The following EVC variants were observed in gnomAD, a reference collection of about 807,000 sequenced individuals.
EVC encodes evC complex member EVC.
A neutral mutation model predicts 118.9 loss-of-function variants in EVC; 116 were observed. The observed-to-expected ratio is 0.98, with a 90% confidence interval of 0.84 to 1.14. EVC has a LOEUF of 1.14. Among genes scored for constraint, EVC ranks in the 50% most tolerant of loss-of-function variants. The pLI, the probability that EVC is intolerant of heterozygous loss-of-function variation, is 0.00. For missense variants in EVC, 1,401 were observed against 1,246.4 expected (o/e 1.12, Z -1.87); for synonymous variants, 619 against 534.7 (o/e 1.16, Z -2.18).
rs767186464 is a variant in EVC at position 5,719,246 on chromosome 4, A to G, written c.175-2A>G. 2.0e-5 allele frequency: 33 copies of G among 1,614,046 alleles called. No individual in the cohort carries two copies. The highest frequency in any genetic ancestry group is 2.8e-5 in the Non-Finnish European group (33 of 1,180,030). On this transcript the variant is annotated splice_acceptor_variant, in intron 1 of 20. Coordinates refer to ENST00000264956, the MANE Select transcript of EVC (RefSeq NM_153717.3). LOFTEE classifies it high-confidence loss of function. The surrounding 1 kb of genome is among the most constrained non-coding windows in gnomAD (Gnocchi z 4.7). ...CCCCAACTCCTGACCTTCGGGTTTTAGAAAGACGACACTCAAAATCTGCTC... is the reference window on the plus strand; with the variant it reads ...CCCCAACTCCTGACCTTCGGGTTTTGGAAAGACGACACTCAAAATCTGCTC...
At chr4:5,771,701 C>T (rs1577515904) in intron 11 of EVC, among the ~76,000 whole-genome samples, 1 of 152,208 alleles carries the variant, frequency 6.6e-6, no homozygotes, top group African/African-American at 2.4e-5. Context: ...CTGGGCACCA[C>T]AGACCTCCCC....
chr4:5,719,257 A>G lies in EVC; in HGVS notation c.184A>G (p.Thr62Ala), dbSNP rs143898721. The change falls in exon 2 of 21, where the codon ACT becomes GCT. Residue 62 changes from threonine (T) to alanine (A), a missense_variant. Physicochemically the swap from Thr to Ala is moderately conservative, Grantham distance 58. Transcript: ENST00000264956. This position sits in a 1 kb window ranked among gnomAD's most constrained non-coding sequence, Gnocchi z 4.7. ...GACCTTCGGGTTTTAGAAAGACGACACTCAAAATCTGCTCAAGAATTTGGA... is the reference window on the plus strand; with the variant it reads ...GACCTTCGGGTTTTAGAAAGACGACGCTCAAAATCTGCTCAAGAATTTGGA... ...RQRTRHQKDD[T>A]QNLLKNLESN... 11 of 1,614,164 alleles carry G rather than the reference A, an allele frequency of 6.8e-6. No homozygotes were observed. The African/African-American group carries it at 1.1e-4, about 16-fold the overall frequency.
In EVC at chr4:5,719,073, C is replaced by A. The variant is rs1014360861; in HGVS notation, c.175-175C>A. Among the ~76,000 whole-genome samples the A allele has an allele frequency of 2.6e-5, 4 of 152,098 alleles. No homozygotes were observed. Among genetic ancestry groups the A allele is most frequent in the African/African-American group, 9.7e-5 (4 of 41,396 alleles). On this transcript the variant is annotated intron_variant, in intron 1 of 20. Transcript: ENST00000264956. This position sits in a 1 kb window ranked among gnomAD's most constrained non-coding sequence, Gnocchi z 4.7. Reference sequence around the variant, plus strand: ...AGTCTTGAAGGACATGTAGCGGACCCCACGTGGGGTGGGAGGCGTCACACA... The same window carrying A: ...AGTCTTGAAGGACATGTAGCGGACCACACGTGGGGTGGGAGGCGTCACACA...
chr4:5,786,500 A>T (rs563391675), intron 12 of EVC, among the ~76,000 whole-genome samples: 11 of 152,332 alleles, frequency 7.2e-5, no homozygotes, highest in African/African-American at 2.2e-4. Context: ...TCATCAGCTG[A>T]TTACATAAGT....
intron 11 of EVC, among the ~76,000 whole-genome samples, chr4:5,772,916 C>A (rs1417898992): frequency 2.6e-5 from 4 of 152,164 alleles, no homozygotes; most frequent in African/African-American, 9.7e-5. Context: ...AATGTCACTT[C>A]TTTAGGGGAG....
At chr4:5,827,722 CAT>C in the EVC span, among the ~76,000 whole-genome samples, 310 of 139,648 alleles carry the variant, frequency 2.2e-3, 1 homozygote, top group South Asian at 0.025. Flanking sequence ...GACATACACA[CAT>C]GTGCGCGTGC....
At chr4:5,764,133 G>A (rs1465832770) in intron 11 of EVC, among the ~76,000 whole-genome samples, 23 of 144,306 alleles carry the variant, frequency 1.6e-4, no homozygotes, top group Non-Finnish European at 2.0e-4. Flanking sequence ...TTTTGTCAAA[G>A]GCCTTTTCTG....
chr4:5,764,590 G>T (rs1394064669), intron 11 of EVC, among the ~76,000 whole-genome samples: 3 of 150,340 alleles, frequency 2.0e-5, no homozygotes, highest in Admixed American at 1.3e-4. Flanking sequence ...TCCTGTTATT[G>T]GTCTATTCAG....
intron 12 of EVC, among the ~76,000 whole-genome samples, chr4:5,787,439 G>A (rs760026044): frequency 3.9e-5 from 6 of 152,360 alleles, no homozygotes; most frequent in East Asian, 1.9e-4. Flanking sequence ...GTGCCAGAGT[G>A]AGGAGTGAGG....
Position 5,731,522 on chromosome 4 carries a change from T to G in EVC, c.482T>G (p.Leu161Arg), listed in dbSNP as rs750970340. The G allele has an allele frequency of 6.2e-7, 1 of 1,614,112 alleles. No individual in the cohort carries two copies. The highest frequency in any genetic ancestry group is 8.5e-7 in the Non-Finnish European group (1 of 1,180,020). The change falls in exon 4 of 21, where the codon CTG becomes CGG. Residue 161 changes from leucine to arginine, a missense_variant. Physicochemically the swap from Leu to Arg is moderately radical, Grantham distance 102. Coordinates refer to ENST00000264956, the MANE Select transcript of EVC (RefSeq NM_153717.3). The surrounding 1 kb of genome is among the most constrained non-coding windows in gnomAD (Gnocchi z 5.6). ...QPVEASPSSS[L>R]GSLSQGEKDD... ...GTAGAGGCCTCTCCTTCCAGCAGTCTGGGGAGCCTGAGCCAGGGTGAGAAG... is the reference window on the plus strand; with the variant it reads ...GTAGAGGCCTCTCCTTCCAGCAGTCGGGGGAGCCTGAGCCAGGGTGAGAAG...
rs1427608068 is a variant in EVC at position 5,788,701 on chromosome 4, G to A, written c.1777-4907G>A. Among the ~76,000 whole-genome samples, 4 of 152,182 alleles carry A rather than the reference G, an allele frequency of 2.6e-5. No individual in the cohort carries two copies. In the East Asian group the frequency reaches 7.7e-4, roughly 29 times the overall value. On this transcript the variant is annotated intron_variant, in intron 12 of 20. Transcript: ENST00000264956. ...TAATCCTGAATGTAACCACTATTCA[G>A]CACCTCCCCTCTTAGCACCCTGGTC...
chr4:5,748,120 C>T, intron 7 of EVC, 28 bp from the exon 8 acceptor site: 2 of 1,614,074 alleles, frequency 1.2e-6, no homozygotes, highest in Non-Finnish European at 8.5e-7. Context: ...TTTCACCTCA[C>T]TTCTTGCTGC....
chr4:5,758,572 G>A (rs1731534451), intron 11 of EVC, among the ~76,000 whole-genome samples: 1 of 152,174 alleles, frequency 6.6e-6, no homozygotes, highest in Non-Finnish European at 1.5e-5. Flanking sequence ...TGTCCCCAGA[G>A]GAGTCAAGAC....
chr4:5,826,172 A>C, the EVC span: 1 of 156,536 alleles, frequency 6.4e-6, no homozygotes, highest in Non-Finnish European at 1.4e-5. Context: ...GAGGACCCCA[A>C]ATCCCTTCCA....
chr4:5,741,647 C>T (rs1216972155), intron 5 of EVC, 69 bp from the exon 6 acceptor site: 36 of 906,904 alleles, frequency 4.0e-5, no homozygotes, highest in Non-Finnish European at 6.0e-5. Flanking sequence ...GAAGAGAAAA[C>T]AGAAAGCAAA....
At chr4:5,744,924 A>G (rs1171725266) in intron 6 of EVC, among the ~76,000 whole-genome samples, 2 of 151,898 alleles carry the variant, frequency 1.3e-5, no homozygotes, top group Non-Finnish European at 2.9e-5. Context: ...GGACTTCATA[A>G]TGATTGAAAG....
chr4:5,777,247 A>C (rs757913683), intron 11 of EVC, among the ~76,000 whole-genome samples: 1 of 152,180 alleles, frequency 6.6e-6, no homozygotes, highest in Non-Finnish European at 1.5e-5. Context: ...CAGGGCTTAA[A>C]ATATCCTGGG....
At chr4:5,720,640 A>G (rs1724791216) in intron 2 of EVC, among the ~76,000 whole-genome samples, 1 of 152,206 alleles carries the variant, frequency 6.6e-6, no homozygotes. Flanking sequence ...TTAGCCCTGC[A>G]TCTCCCTCCC....
At position 5,808,239 on chromosome 4, in the gene EVC, C is replaced by G; in HGVS notation, c.2600C>G (p.Pro867Arg). Residue 867 changes from proline to arginine, a missense_variant, in exon 18 of 21, where the codon CCA (proline) becomes CGA (arginine). Physicochemically the swap from Pro to Arg is moderately radical, Grantham distance 103. Coordinates refer to ENST00000264956, the MANE Select transcript of EVC (RefSeq NM_153717.3). ...SQQKRFLAQF[P>R]VHQQMRLHAQ... is the part of the protein sequence containing the mutation. ...CAGAAGAGGTTCCTGGCCCAGTTCC[C>G]AGTGCACCAGCAGATGCGTCTGCAC... 6.2e-7 allele frequency: 1 copy of G among 1,610,194 alleles called. No homozygotes were observed.
Sources: gnomAD v4.1 joint callset for allele counts (sites outside exome capture counted in the v4.1 genomes callset) on GRCh38, gnomAD v4.1.1 for gene constraint, Gnocchi (gnomAD v3.1) non-coding constraint, MANE v1.5 for transcripts, NCBI Gene and HGNC (gene_info 2026-07-23, HGNC 2026-07-21) for gene names.